HCN1: variants seen among roughly 807,000 people sequenced by gnomAD.
HCN1 encodes potassium/sodium hyperpolarization-activated cyclic nucleotide-gated channel 1.
HCN1 carries 13 observed loss-of-function variants against 78.9 expected under a neutral mutation model. That is an observed-to-expected ratio of 0.16 (90% confidence interval 0.11 to 0.26). The LOEUF (loss-of-function observed/expected upper bound fraction) is 0.26, where lower values mean the gene tolerates loss of function less well. Among genes scored for constraint, HCN1 ranks in the 10% least tolerant of loss-of-function variants. The pLI is 1.00. For missense variants in HCN1, 810 were observed against 1,154.3 expected, an observed-to-expected ratio of 0.70 and a Z score of 4.32; for synonymous variants, 552 against 455.5, an observed-to-expected ratio of 1.21 and a Z score of -2.70.
intron 4 of HCN1, among the ~76,000 whole-genome samples, chr5:45,386,442 G>C (rs915452147): frequency 6.6e-6 from 1 of 152,128 alleles, no homozygotes; most frequent in Non-Finnish European, 1.5e-5. Context: ...AACTCCCAAA[G>C]TGCAGGGATT....
intron 2 of HCN1, among the ~76,000 whole-genome samples, chr5:45,563,982 G>T (rs951121716): frequency 9.2e-5 from 14 of 152,230 alleles, no homozygotes; most frequent in African/African-American, 3.1e-4. Flanking sequence ...TTGTAGCTGT[G>T]AACTTACAAC....
At chr5:45,430,184 A>G (rs1561151860) in intron 3 of HCN1, among the ~76,000 whole-genome samples, 1 of 152,242 alleles carries the variant, frequency 6.6e-6, no homozygotes, top group African/African-American at 2.4e-5. Flanking sequence ...TCCTAATTAC[A>G]GAAAGAATAG....
At chr5:45,410,378 A>G (rs917314209) in intron 3 of HCN1, among the ~76,000 whole-genome samples, 1 of 151,996 alleles carries the variant, frequency 6.6e-6, no homozygotes, top group Non-Finnish European at 1.5e-5. Context: ...TGTACTGTCC[A>G]ATATTTCCAT....
intron 1 of HCN1, among the ~76,000 whole-genome samples, chr5:45,682,322 T>A (rs1739720766): frequency 6.8e-6 from 1 of 147,398 alleles, no homozygotes; most frequent in Non-Finnish European, 1.5e-5. Context: ...AAAAACTACA[T>A]AAAACCAAGC....
chr5:45,374,054 AT>A (rs1389991097), intron 4 of HCN1, among the ~76,000 whole-genome samples: 7 of 110,912 alleles, frequency 6.3e-5, no homozygotes, highest in Middle Eastern at 0.013. Context: ...TATTATATAT[AT>A]TATATATATA....
At chr5:45,482,565 C>T (rs1248793468) in intron 2 of HCN1, among the ~76,000 whole-genome samples, 1 of 152,184 alleles carries the variant, frequency 6.6e-6, no homozygotes. Context: ...TTCTGAGCCT[C>T]TCCCAGCCCC....
chr5:45,314,771 C>A (rs1018972920), intron 5 of HCN1, among the ~76,000 whole-genome samples: 4 of 152,122 alleles, frequency 2.6e-5, no homozygotes, highest in Admixed American at 1.3e-4. Flanking sequence ...ATCCTAGTCT[C>A]TGATAAAACA....
At position 45,630,483 on chromosome 5, in the gene HCN1, T is replaced by C. The variant is rs10072719; in HGVS notation, c.849+14702A>G. Among the ~76,000 whole-genome samples, 812 of 152,296 alleles carry C rather than the reference T, an allele frequency of 5.3e-3. 7 individuals carry two copies. The highest frequency in any genetic ancestry group is 0.018 in the African/African-American group (730 of 41,572). ...TAGCATGTGGCTCCACAGTAAACAA[T>C]GTGTTTGCTAAAAATATCATGGTGT... On this transcript the variant is annotated intron_variant, in intron 2 of 7. Transcript: ENST00000303230.
chr5:45,585,690 C>T (rs1744201718), intron 2 of HCN1, among the ~76,000 whole-genome samples: 1 of 152,106 alleles, frequency 6.6e-6, no homozygotes, highest in Non-Finnish European at 1.5e-5. Context: ...TGGTGATGTA[C>T]AGATGGGGTT....
At chr5:45,680,882 G>C (rs1209537880) in intron 1 of HCN1, among the ~76,000 whole-genome samples, 2 of 151,922 alleles carry the variant, frequency 1.3e-5, no homozygotes, top group Admixed American at 6.6e-5. Flanking sequence ...ACATCTGATG[G>C]GTTTGAAATC....
intron 6 of HCN1, among the ~76,000 whole-genome samples, chr5:45,273,351 G>A (rs186584247): frequency 3.9e-4 from 60 of 152,074 alleles, no homozygotes; most frequent in African/African-American, 1.3e-3. Flanking sequence ...AATCCTTAAG[G>A]TATGAGATAT....
In HCN1 at chr5:45,262,461, A is replaced by C; in HGVS notation, c.2133T>G (p.Pro711=). The C allele has an allele frequency of 6.2e-7, 1 of 1,612,510 alleles. No individual in the cohort carries two copies. The highest frequency in any genetic ancestry group is 8.5e-7 in the Non-Finnish European group (1 of 1,179,774). The change falls in exon 8 of 8, where the codon CCT becomes CCG. Residue 711 remains proline, a synonymous_variant. Transcript: ENST00000303230. ...TAVCSPPVQS[P]LAARTFHYAS... ...CATAGTGGAAAGTTCGAGCGGCCAGAGGGCTCTGTACAGGAGGGCTGCAGA... is the reference window on the plus strand; with the variant it reads ...CATAGTGGAAAGTTCGAGCGGCCAGCGGGCTCTGTACAGGAGGGCTGCAGA...
chr5:45,632,441 G>T (rs948580949), intron 2 of HCN1, among the ~76,000 whole-genome samples: 4 of 151,936 alleles, frequency 2.6e-5, no homozygotes, highest in Admixed American at 2.0e-4. Context: ...AAAAAATTCT[G>T]CTTCCATAAA....
At chr5:45,307,824 T>G (rs12655983) in intron 5 of HCN1, among the ~76,000 whole-genome samples, 26,884 of 152,058 alleles carry the variant, frequency 0.18, 2,639 homozygotes, top group East Asian at 0.33. Context: ...GTATCAATAT[T>G]GAGTCATAAC....
At chr5:45,397,015 A>C (rs1002498773) in intron 3 of HCN1, among the ~76,000 whole-genome samples, 5 of 152,172 alleles carry the variant, frequency 3.3e-5, no homozygotes, top group African/African-American at 1.2e-4. Context: ...GACAAGAATG[A>C]ATGCTTTAAG....
intron 2 of HCN1, among the ~76,000 whole-genome samples, chr5:45,625,468 A>C (rs751641932): frequency 2.0e-4 from 30 of 152,196 alleles, no homozygotes; most frequent in Non-Finnish European, 3.7e-4. Context: ...ACCTCATACC[A>C]ATACCAACTG....
At chr5:45,661,457 A>T (rs1223757145) in intron 1 of HCN1, among the ~76,000 whole-genome samples, 1 of 142,950 alleles carries the variant, frequency 7.0e-6, no homozygotes, top group African/African-American at 2.6e-5. Context: ...CTAAAATCAG[A>T]GCAGAACTGA....
chr5:45,656,090 A>G (rs1443395248), intron 1 of HCN1, among the ~76,000 whole-genome samples: 2 of 151,566 alleles, frequency 1.3e-5, no homozygotes, highest in Non-Finnish European at 1.5e-5. Flanking sequence ...GAAGTTAAAT[A>G]TGACTAAAAG....
intron 2 of HCN1, among the ~76,000 whole-genome samples, chr5:45,611,560 C>A (rs1744837862): frequency 6.6e-6 from 1 of 151,946 alleles, no homozygotes; most frequent in South Asian, 2.1e-4. Flanking sequence ...GCATGAGCCA[C>A]GGTGCCTGGC....
Sources: allele counts gnomAD v4.1 joint callset (sites outside exome capture counted in the v4.1 genomes callset), GRCh38; gene constraint gnomAD v4.1.1; transcripts MANE v1.5; gene names NCBI Gene and HGNC (gene_info 2026-07-23, HGNC 2026-07-21).